ARMC10: variants seen among roughly 807,000 people sequenced by gnomAD.
ARMC10 encodes the protein armadillo repeat containing 10.
Under a neutral mutation model 30.2 loss-of-function variants are expected in ARMC10, and 23 were observed. The ratio of observed to expected loss-of-function variants is 0.76; its 90% confidence interval spans 0.55 to 1.08. The LOEUF (loss-of-function observed/expected upper bound fraction) is 1.08, where lower values mean the gene tolerates loss of function less well. Among genes scored for constraint, ARMC10 ranks in the 50% least tolerant of loss-of-function variants. ARMC10 has a pLI of 0.00. For synonymous variants in ARMC10, 111 were observed against 164.4 expected, an observed-to-expected ratio of 0.68 and a Z score of 2.48; for missense variants, 303 against 413.7, an observed-to-expected ratio of 0.73 and a Z score of 2.32.
chr7:103,088,303 A>C (rs1484118997), intron 4 of ARMC10, among the ~76,000 whole-genome samples: 2 of 152,152 alleles, frequency 1.3e-5, no homozygotes, highest in Non-Finnish European at 2.9e-5. Context: ...ACCTTTATGA[A>C]AGTAAGTAGG....
chr7:103,081,275 A>T (rs1800353439), intron 2 of ARMC10, among the ~76,000 whole-genome samples: 1 of 152,244 alleles, frequency 6.6e-6, no homozygotes, highest in South Asian at 2.1e-4. Flanking sequence ...GAATTCTGTG[A>T]TACAACACCG....
intron 3 of ARMC10, among the ~76,000 whole-genome samples, chr7:103,084,370 G>A (rs954524800): frequency 6.6e-6 from 1 of 152,110 alleles, no homozygotes; most frequent in Non-Finnish European, 1.5e-5. Context: ...ACAAAATTTC[G>A]TAATTGTTTT....
chr7:103,084,695 T>C (rs1453385290), intron 3 of ARMC10, among the ~76,000 whole-genome samples: 1 of 152,236 alleles, frequency 6.6e-6, no homozygotes, highest in Admixed American at 6.5e-5. Flanking sequence ...CTCTACCTTT[T>C]GGCTTTGCTT....
At chr7:103,093,430 A>G (rs1801516989) in intron 5 of ARMC10, among the ~76,000 whole-genome samples, 1 of 152,220 alleles carries the variant, frequency 6.6e-6, no homozygotes, top group South Asian at 2.1e-4. Flanking sequence ...ATGTGATTAC[A>G]GGAGAGTCTT....
intron 2 of ARMC10, among the ~76,000 whole-genome samples, chr7:103,079,915 T>C (rs1270615300): frequency 6.6e-6 from 1 of 152,210 alleles, no homozygotes; most frequent in Non-Finnish European, 1.5e-5. Context: ...TAAACAGGCA[T>C]ATTGTGTTCC....
At chr7:103,091,586 G>A (rs1381306177) in intron 4 of ARMC10, among the ~76,000 whole-genome samples, 1 of 152,004 alleles carries the variant, frequency 6.6e-6, no homozygotes, top group Non-Finnish European at 1.5e-5. Context: ...TTAATTCTAG[G>A]GAAAGATTCT....
At chr7:103,083,071 T>C (rs1426156932) in intron 2 of ARMC10, 4 of 456,594 alleles carry the variant, frequency 8.8e-6, no homozygotes, top group African/African-American at 8.0e-5. Flanking sequence ...TATAGGTAAG[T>C]GTTCATTGGA....
intron 5 of ARMC10, chr7:103,096,183 T>C (rs537229409): frequency 5.3e-5 from 8 of 152,328 alleles, no homozygotes; most frequent in African/African-American, 1.7e-4. Context: ...AGTCACCCAT[T>C]AGATAACATT....
rs1236874908 is a variant in ARMC10, at chr7:103,075,799, A to T, written c.162A>T (p.Ser54=). The change falls in exon 2 of 7, where the codon TCA becomes TCT. Residue 54 remains serine, a synonymous_variant. Transcript: ENST00000323716. ...CAGGTGCCCTGGAAGAAGGGACGTCAGAGGGTCAGTTGTGCGGGCGCTCGG... is the reference window on the plus strand; with the variant it reads ...CAGGTGCCCTGGAAGAAGGGACGTCTGAGGGTCAGTTGTGCGGGCGCTCGG... ...KSAGALEEGT[S]EGQLCGRSAR... The T allele has an allele frequency of 6.2e-7, 1 of 1,610,270 alleles. No individual in the cohort carries two copies. The highest frequency in any genetic ancestry group is 1.7e-5 in the Admixed American group (1 of 59,516).
chr7:103,087,595 T>C (rs1800968099), intron 4 of ARMC10, among the ~76,000 whole-genome samples: 1 of 152,152 alleles, frequency 6.6e-6, no homozygotes, highest in South Asian at 2.1e-4. Context: ...AACTAGAAAT[T>C]GTCATTCAAC....
rs771434325 is a variant in ARMC10 at position 103,097,354 on chromosome 7, T to C, written c.777+6T>C. The C allele has an allele frequency of 1.9e-6, 3 of 1,587,910 alleles. No homozygotes were observed. The highest frequency in any genetic ancestry group is 1.1e-5 in the South Asian group (1 of 90,400). On this transcript the variant is annotated splice_donor_region_variant and intron_variant, in intron 6 of 6. Coordinates refer to ENST00000323716, the MANE Select transcript of ARMC10 (RefSeq NM_031905.5). ...AAGGACTTCTCCGTGCCCAAGTAAA[T>C]AGCTTATATATTTATTTTGTAAATA...
rs569902948 is a variant in ARMC10, at chr7:103,094,729, C to T, written c.705+2076C>T. 3.3e-5 allele frequency among the ~76,000 whole-genome samples: 5 copies of T among 152,266 alleles called. No homozygotes were observed. The East Asian group carries it at 5.8e-4, about 18-fold the overall frequency. ...AGATGAGATCTGATAGTGACCTCCA[C>T]GGAGTGCACTAAAGAAGGGTCAGAA... is the stretch of plus-strand genomic sequence containing the variant. On this transcript the variant is annotated intron_variant, in intron 5 of 6. Transcript: ENST00000323716.
rs1440328576 is a variant in ARMC10, at chr7:103,097,293, T to G, written c.722T>G (p.Leu241Arg). Residue 241 changes from leucine to arginine, a missense_variant, in exon 6 of 7, where the codon CTG (leucine) becomes CGG (arginine). This residue lies in a region of ARMC10 where 170 missense variants were observed against 207.2 expected (regional missense o/e 0.82). Transcript: ENST00000323716. ...TTCTTTCAGGTGCAAGTTTTGAAAC[T>G]GCTTTTGAATTTGTCTGAAAATCCA... Reference protein sequence around the residue: ...NGNTKVQVLKLLLNLSENPAM... With the variant: ...NGNTKVQVLKRLLNLSENPAM... 1 of 1,613,958 alleles carries G rather than the reference T, an allele frequency of 6.2e-7. No individual in the cohort carries two copies. Among genetic ancestry groups the G allele is most frequent in the Admixed American group, 1.7e-5 (1 of 60,020 alleles).
chr7:103,083,960 TAAAAC>T lies in ARMC10; in HGVS notation c.393+132_393+136del, dbSNP rs1334863284. On this transcript the variant is annotated intron_variant, in intron 3 of 6. Transcript: ENST00000323716. ...TCTGTGCAATGTGGCTACTTATACT[TAAAAC>T]ATAATGTTTGTTTACTTCTGAAAAA... 15 of 1,468,922 alleles carry T rather than the reference TAAAAC, an allele frequency of 1.0e-5. No individual in the cohort carries two copies. In the East Asian group the frequency reaches 3.1e-4, roughly 30 times the overall value. 91.0% of individuals were successfully genotyped at this position (1,468,922 alleles called of 1,614,324 possible). A position where few individuals can be genotyped will look rare whatever the true frequency, so the allele number is the denominator to read the frequency against.
At chr7:103,097,452 C>T in intron 6 of ARMC10, 104 bp downstream of exon 6, 1 of 860,954 alleles carries the variant, frequency 1.2e-6, no homozygotes, top group South Asian at 1.7e-5. Flanking sequence ...GGGATTCTCT[C>T]TGAGGAGCAG....
intron 2 of ARMC10, among the ~76,000 whole-genome samples, chr7:103,078,877 T>C (rs185392876): frequency 6.7e-4 from 102 of 152,200 alleles, no homozygotes; most frequent in East Asian, 6.0e-3. Context: ...GGCATGGTAG[T>C]GTGCACTTGT....
At chr7:103,075,483 T>C in intron 1 of ARMC10, 72 bp downstream of exon 1, 1 of 1,248,468 alleles carries the variant, frequency 8.0e-7, no homozygotes, top group African/African-American at 1.5e-5. Context: ...GGTGGTGGCT[T>C]GCGTGTGCTC....
At chr7:103,075,534 T>C (rs1799649199) in intron 1 of ARMC10, 123 bp downstream of exon 1, 23 of 1,079,512 alleles carry the variant, frequency 2.1e-5, no homozygotes, top group Non-Finnish European at 2.6e-5. Context: ...GAGGCAGTAC[T>C]TGTGTGAGTG....
At chr7:103,091,253 A>G (rs933796492) in intron 4 of ARMC10, among the ~76,000 whole-genome samples, 1 of 152,012 alleles carries the variant, frequency 6.6e-6, no homozygotes, top group Non-Finnish European at 1.5e-5. Flanking sequence ...ACATGGTGAA[A>G]CCCTGTCTCT....
Sources: allele counts gnomAD v4.1 joint callset (sites outside exome capture counted in the v4.1 genomes callset), GRCh38; gene constraint gnomAD v4.1.1; regional missense constraint gnomAD v4.1.1; transcripts MANE v1.5; gene names NCBI Gene and HGNC (gene_info 2026-07-23, HGNC 2026-07-21).